Variants in GALNT13 observed in about 807,000 individuals in gnomAD.
The protein encoded by GALNT13 is polypeptide N-acetylgalactosaminyltransferase 13.
In GALNT13, 28 loss-of-function variants were observed where a neutral mutation model predicts 64.2. That is an observed-to-expected ratio of 0.44 (90% CI 0.32 to 0.60). The LOEUF is 0.60. Ranked by LOEUF, GALNT13 falls within the 20% of genes least tolerant of loss-of-function variation. The pLI is 0.05. For synonymous variants in GALNT13, 214 were observed against 224.6 expected (o/e 0.95, Z 0.42); for missense variants, 577 against 669.8 (o/e 0.86, Z 1.53).
At chr2:153,696,775 G>T in the GALNT13 span, among the ~76,000 whole-genome samples, 1 of 152,162 alleles carries the variant, frequency 6.6e-6, no homozygotes, top group Non-Finnish European at 1.5e-5. Flanking sequence ...TTTGTGGTTA[G>T]AATATAGATG....
At chr2:153,345,735 T>G in the GALNT13 span, among the ~76,000 whole-genome samples, 28 of 140,968 alleles carry the variant, frequency 2.0e-4, 1 homozygote, top group Middle Eastern at 3.5e-3. Flanking sequence ...CCTTCCTTCC[T>G]TCCTTCCTTC....
chr2:153,165,402 T>C, the GALNT13 span, among the ~76,000 whole-genome samples: 1 of 152,202 alleles, frequency 6.6e-6, no homozygotes, highest in African/African-American at 2.4e-5. Context: ...ATAAAAACAT[T>C]CCTCATAATT....
the GALNT13 span, among the ~76,000 whole-genome samples, chr2:153,250,808 A>G: frequency 6.6e-6 from 1 of 151,308 alleles, no homozygotes; most frequent in Non-Finnish European, 1.5e-5. Context: ...CATGTTCTCA[A>G]AAGTGGGAGT....
At chr2:153,347,217 G>C in the GALNT13 span, among the ~76,000 whole-genome samples, 8 of 152,192 alleles carry the variant, frequency 5.3e-5, no homozygotes, top group African/African-American at 1.4e-4. Flanking sequence ...TTCTCCAGGG[G>C]CAGAAGATAG....
At chr2:153,400,602 C>T in the GALNT13 span, among the ~76,000 whole-genome samples, 1 of 151,960 alleles carries the variant, frequency 6.6e-6, no homozygotes, top group South Asian at 2.1e-4. Context: ...ACAATTTCAG[C>T]TCCTGTTATT....
chr2:153,329,254 T>A, the GALNT13 span, among the ~76,000 whole-genome samples: 3 of 152,212 alleles, frequency 2.0e-5, no homozygotes, highest in African/African-American at 7.2e-5. Flanking sequence ...TATTCTGCCA[T>A]CTTGCCAGCC....
chr2:154,006,370 T>G, intron 3 of GALNT13, among the ~76,000 whole-genome samples: 1 of 152,318 alleles, frequency 6.6e-6, no homozygotes, highest in Middle Eastern at 3.4e-3. Context: ...TGATTAAAAT[T>G]AAAAGCTGAT....
At chr2:153,590,354 C>A in the GALNT13 span, among the ~76,000 whole-genome samples, 1 of 152,162 alleles carries the variant, frequency 6.6e-6, no homozygotes, top group Non-Finnish European at 1.5e-5. Flanking sequence ...AATCTCCCAA[C>A]AAAGTAAAGT....
the GALNT13 span, among the ~76,000 whole-genome samples, chr2:153,432,192 A>G: frequency 1.3e-5 from 2 of 152,226 alleles, no homozygotes; most frequent in Non-Finnish European, 2.9e-5. Flanking sequence ...ACAGAGGTCA[A>G]TAGTACACTT....
chr2:153,685,416 G>T, the GALNT13 span, among the ~76,000 whole-genome samples: 13 of 152,046 alleles, frequency 8.6e-5, no homozygotes, highest in Admixed American at 3.9e-4. Flanking sequence ...CTAATGATCA[G>T]TGAAGTTGAG....
At chr2:154,307,110 C>T (rs1252514848) in intron 9 of GALNT13, among the ~76,000 whole-genome samples, 1 of 152,020 alleles carries the variant, frequency 6.6e-6, no homozygotes, top group African/African-American at 2.4e-5. Flanking sequence ...AGGTCAGATC[C>T]CTTTCACTGT....
the GALNT13 span, among the ~76,000 whole-genome samples, chr2:153,256,484 G>A: frequency 5.5e-4 from 83 of 152,254 alleles, no homozygotes; most frequent in East Asian, 8.3e-3. Flanking sequence ...GTCATTCTCC[G>A]TCCAGCTTTG....
At position 153,981,142 on chromosome 2, in the gene GALNT13, A is replaced by G. The variant is rs1574258265; in HGVS notation, c.142+36503A>G. 2.0e-5 allele frequency among the ~76,000 whole-genome samples: 3 copies of G among 152,282 alleles called. No homozygotes were observed. The Middle Eastern group carries it at 0.01, about 518-fold the overall frequency. Reference sequence around the variant, plus strand: ...CTCCAAAATTATTTCTTTAAAGACTAAATACTAGATTGGAGCTACTGCTTA... The same window carrying G: ...CTCCAAAATTATTTCTTTAAAGACTGAATACTAGATTGGAGCTACTGCTTA... On this transcript the variant is annotated intron_variant, in intron 3 of 12. Transcript: ENST00000392825.
the GALNT13 span, among the ~76,000 whole-genome samples, chr2:153,622,584 A>G: frequency 6.6e-6 from 1 of 152,192 alleles, no homozygotes; most frequent in Non-Finnish European, 1.5e-5. Flanking sequence ...CACATAATAG[A>G]TATGGAAATG....
At chr2:154,186,348 T>C (rs1686250882) in intron 4 of GALNT13, among the ~76,000 whole-genome samples, 1 of 152,118 alleles carries the variant, frequency 6.6e-6, no homozygotes, top group Non-Finnish European at 1.5e-5. Context: ...TCATGATTGC[T>C]TATTTTAGGC....
At chr2:153,167,105 T>A in the GALNT13 span, among the ~76,000 whole-genome samples, 888 of 152,326 alleles carry the variant, frequency 5.8e-3, 8 homozygotes, top group African/African-American at 0.02. Flanking sequence ...GCTAAATTTG[T>A]GGTACACCAC....
chr2:154,414,621 A>C (rs1021560990), intron 11 of GALNT13, among the ~76,000 whole-genome samples: 50 of 152,092 alleles, frequency 3.3e-4, no homozygotes, highest in Non-Finnish European at 2.9e-5. Context: ...ACTGGCATTT[A>C]AACATTTCAA....
At chr2:153,316,170 T>C in the GALNT13 span, among the ~76,000 whole-genome samples, 4 of 151,646 alleles carry the variant, frequency 2.6e-5, no homozygotes, top group Non-Finnish European at 5.9e-5. Context: ...ATCTCAAGCA[T>C]TGATGAGGAT....
chr2:153,858,873 C>T, the GALNT13 span, among the ~76,000 whole-genome samples: 1 of 152,200 alleles, frequency 6.6e-6, no homozygotes, highest in African/African-American at 2.4e-5. Context: ...GATGGGATTA[C>T]AGGTGCCTGC....
Sources: allele counts gnomAD v4.1 joint callset (sites outside exome capture counted in the v4.1 genomes callset), GRCh38; gene constraint gnomAD v4.1.1; transcripts MANE v1.5; gene names NCBI Gene and HGNC (gene_info 2026-07-23, HGNC 2026-07-21).